The following RPS6KC1 variants were observed in gnomAD, a reference collection of about 807,000 sequenced individuals.
RPS6KC1 encodes ribosomal protein S6 kinase C1, also known as inactive ribosomal protein S6 kinase delta-1.
A neutral mutation model predicts 103.8 loss-of-function variants in RPS6KC1; 54 were observed. The observed-to-expected ratio is 0.52, with a 90% CI of 0.42 to 0.65. The LOEUF is 0.65. RPS6KC1 is among the 30% of genes least tolerant of loss of function. The pLI is 0.00. For synonymous variants in RPS6KC1, 439 were observed against 438.7 expected (o/e 1.00, Z -0.01); for missense variants, 1,151 against 1,253.8 (o/e 0.92, Z 1.24).
chr1:213,480,825 A>T, the RPS6KC1 span, among the ~76,000 whole-genome samples: 1 of 152,128 alleles, frequency 6.6e-6, no homozygotes, highest in Non-Finnish European at 1.5e-5. Context: ...CTAGATAGCT[A>T]AAAATCTTTT....
the RPS6KC1 span, among the ~76,000 whole-genome samples, chr1:213,345,455 T>C: frequency 6.6e-6 from 1 of 152,226 alleles, no homozygotes; most frequent in Admixed American, 6.5e-5. Context: ...CAAGTAATTT[T>C]TTATTGAATC....
the RPS6KC1 span, among the ~76,000 whole-genome samples, chr1:213,367,390 G>A: frequency 2.6e-5 from 4 of 152,122 alleles, no homozygotes; most frequent in African/African-American, 7.2e-5. Flanking sequence ...AAAATCCTCC[G>A]GCTGCTTTGT....
intron 3 of RPS6KC1, among the ~76,000 whole-genome samples, chr1:213,082,768 T>A (rs1429761006): frequency 6.6e-6 from 1 of 152,198 alleles, no homozygotes; most frequent in African/African-American, 2.4e-5. Context: ...GGACTTGTTT[T>A]GAAAATGCTA....
chr1:213,405,666 A>C, the RPS6KC1 span, among the ~76,000 whole-genome samples: 5 of 152,370 alleles, frequency 3.3e-5, no homozygotes, highest in South Asian at 4.1e-4. Flanking sequence ...CAGCAGTAGC[A>C]GCAGCAATCT....
the RPS6KC1 span, among the ~76,000 whole-genome samples, chr1:213,683,401 G>T: frequency 1.3e-5 from 2 of 149,294 alleles, no homozygotes; most frequent in Non-Finnish European, 2.9e-5. Flanking sequence ...GTTAGAGAGA[G>T]GGGGAACACA....
chr1:213,386,626 C>T, the RPS6KC1 span, among the ~76,000 whole-genome samples: 18 of 152,304 alleles, frequency 1.2e-4, no homozygotes, highest in African/African-American at 3.4e-4. Flanking sequence ...CTCACCTGTC[C>T]TCTTTCACAC....
intron 4 of RPS6KC1, among the ~76,000 whole-genome samples, chr1:213,105,255 C>G (rs1482719383): frequency 9.7e-6 from 1 of 103,492 alleles, no homozygotes; most frequent in African/African-American, 3.6e-5. Flanking sequence ...TAATAATTTT[C>G]TAACTTATTT....
the RPS6KC1 span, among the ~76,000 whole-genome samples, chr1:213,646,626 CTG>C: frequency 3.3e-5 from 5 of 152,030 alleles, no homozygotes; most frequent in Admixed American, 3.3e-4. Flanking sequence ...GAAAGAAACA[CTG>C]TGGGAGGCAA....
chr1:213,319,802 T>C, the RPS6KC1 span, among the ~76,000 whole-genome samples: 5 of 152,364 alleles, frequency 3.3e-5, no homozygotes, highest in East Asian at 9.6e-4. Flanking sequence ...TAATCTGCTG[T>C]ACCTACCCAA....
intron 14 of RPS6KC1, among the ~76,000 whole-genome samples, chr1:213,268,952 C>T (rs2094976389): frequency 1.3e-5 from 2 of 152,050 alleles, no homozygotes; most frequent in African/African-American, 2.4e-5. Context: ...ACAAATAAGA[C>T]AGTAAATCTA....
Position 213,129,737 on chromosome 1 carries a change from G to A in RPS6KC1, c.683G>A (p.Gly228Asp). Residue 228 changes from glycine (G) to aspartate (D), a missense_variant, in exon 6 of 15, where the codon GGC becomes GAC. By Grantham distance (94) the Gly-to-Asp change is moderately conservative. Around this residue, in one of 3 missense-constraint regions of RPS6KC1, gnomAD observed 959 missense variants for 1,006.3 expected, o/e 0.95. Coordinates refer to ENST00000366960, the MANE Select transcript of RPS6KC1 (RefSeq NM_012424.6). Reference sequence around the variant, plus strand: ...CGGGAAAGTCGTAGCCTCTTTCCTGGCAGTTTAAAGCCGAAGCTTGGCAAG... The same window carrying A: ...CGGGAAAGTCGTAGCCTCTTTCCTGACAGTTTAAAGCCGAAGCTTGGCAAG... Reference protein sequence around the residue: ...EERESRSLFPGSLKPKLGKRD... With the variant: ...EERESRSLFPDSLKPKLGKRD... 1 of 1,614,066 alleles carries A rather than the reference G, an allele frequency of 6.2e-7. No individual in the cohort carries two copies. The highest frequency in any genetic ancestry group is 1.1e-5 in the South Asian group (1 of 91,074).
At chr1:213,436,098 G>A in the RPS6KC1 span, among the ~76,000 whole-genome samples, 7 of 152,086 alleles carry the variant, frequency 4.6e-5, no homozygotes, top group Admixed American at 2.0e-4. Context: ...TTGTAGTTTT[G>A]TCCTTTTTGG....
the RPS6KC1 span, among the ~76,000 whole-genome samples, chr1:213,634,359 C>T: frequency 6.6e-6 from 1 of 152,164 alleles, no homozygotes; most frequent in Non-Finnish European, 1.5e-5. Flanking sequence ...TGTAAAAGAA[C>T]AGAAATCACA....
chr1:213,512,663 C>A, the RPS6KC1 span, among the ~76,000 whole-genome samples: 1 of 152,188 alleles, frequency 6.6e-6, no homozygotes, highest in African/African-American at 2.4e-5. Flanking sequence ...TCTTATACAG[C>A]ATTTCCTTGT....
intron 14 of RPS6KC1, among the ~76,000 whole-genome samples, chr1:213,266,548 G>A (rs1490266814): frequency 6.6e-6 from 1 of 152,130 alleles, no homozygotes; most frequent in Non-Finnish European, 1.5e-5. Context: ...TAAAAAACCA[G>A]TCATTTCAGT....
Position 213,186,312 on chromosome 1 carries a change from C to G in RPS6KC1, c.1044+9820C>G, listed in dbSNP as rs114569240. ...AGCTTTAGTTTGAGAAATAGTTTCT[C>G]TCTCCTTCATATCTGAAGTATAATT... On this transcript the variant is annotated intron_variant, in intron 8 of 14. Transcript: ENST00000366960. Among the ~76,000 whole-genome samples, 544 of 150,738 alleles carry G rather than the reference C, an allele frequency of 3.6e-3. 3 individuals carry two copies. The highest frequency in any genetic ancestry group is 0.012 in the African/African-American group (507 of 41,016).
At chr1:213,410,727 G>C in the RPS6KC1 span, among the ~76,000 whole-genome samples, 1 of 152,320 alleles carries the variant, frequency 6.6e-6, no homozygotes, top group Middle Eastern at 3.4e-3. Flanking sequence ...GATTGAAGGG[G>C]TGGACTGTGA....
the RPS6KC1 span, among the ~76,000 whole-genome samples, chr1:213,582,280 T>G: frequency 3.3e-5 from 5 of 152,260 alleles, no homozygotes; most frequent in African/African-American, 1.2e-4. Context: ...AAATCCTCTG[T>G]GTTATAACTC....
chr1:213,844,779 C>T, the RPS6KC1 span, among the ~76,000 whole-genome samples: 4 of 152,100 alleles, frequency 2.6e-5, no homozygotes, highest in Admixed American at 6.5e-5. Context: ...GCTATAAATA[C>T]GCTGGAGTTT....
Sources: allele counts gnomAD v4.1 joint callset (sites outside exome capture counted in the v4.1 genomes callset), GRCh38; gene constraint gnomAD v4.1.1; regional missense constraint gnomAD v4.1.1; transcripts MANE v1.5; gene names NCBI Gene and HGNC (gene_info 2026-07-23, HGNC 2026-07-21).